The following EFEMP1 variants were observed in gnomAD, a reference collection of about 807,000 sequenced individuals.
EFEMP1 encodes the protein EGF-like fibulin extracellular matrix protein 1.
A neutral mutation model predicts 65.7 loss-of-function variants in EFEMP1; 18 were observed. That is an observed-to-expected ratio of 0.27 (90% CI 0.19 to 0.41). The LOEUF is 0.41. Ranked by LOEUF, EFEMP1 falls within the 10% of genes least tolerant of loss-of-function variation. EFEMP1 has a pLI of 1.00. For synonymous variants in EFEMP1, 237 were observed against 219.7 expected, an observed-to-expected ratio of 1.08 and a Z score of -0.70; for missense variants, 469 against 624.8, an observed-to-expected ratio of 0.75 and a Z score of 2.66.
rs1553349430 is a variant in EFEMP1, at chr2:55,873,089, C to CACACAA, written c.1000+1856_1000+1857insTTGTGT. 6.6e-6 allele frequency among the ~76,000 whole-genome samples: 1 copy of CACACAA among 150,634 alleles called. No individual in the cohort carries two copies. Among genetic ancestry groups the CACACAA allele is most frequent in the African/African-American group, 2.5e-5 (1 of 40,326 alleles). ...CTCCACACACACACACACACACACA[C>CACACAA]ACACACACACACAGTTTTCATTTGT... On this transcript the variant is annotated intron_variant, in intron 9 of 11. Coordinates refer to ENST00000355426, the MANE Select transcript of EFEMP1 (RefSeq NM_001039348.3). The surrounding 1 kb of genome is among the most constrained non-coding windows in gnomAD (Gnocchi z 4.6).
rs138244510 is a variant in EFEMP1, at chr2:55,867,669, A to C, written c.1321-435T>G. The stretch of plus-strand genomic sequence containing the variant: ...GAAATGGAAACAGTTTTTCAACAGA[A>C]TATGGTAAATGCTAAGATATATGAG... On this transcript the variant is annotated intron_variant, in intron 11 of 11. Coordinates refer to ENST00000355426, the MANE Select transcript of EFEMP1 (RefSeq NM_001039348.3). This position sits in a 1 kb window ranked among gnomAD's most constrained non-coding sequence, Gnocchi z 4.3. Among the ~76,000 whole-genome samples, 93 of 152,240 alleles carry C rather than the reference A, an allele frequency of 6.1e-4. No individual in the cohort carries two copies. The highest frequency in any genetic ancestry group is 2.1e-3 in the African/African-American group (86 of 41,552).
At position 55,870,201 on chromosome 2, in the gene EFEMP1, G is replaced by A. The variant is rs1014427737; in HGVS notation, c.1320+519C>T. Among the ~76,000 whole-genome samples the A allele has an allele frequency of 1.3e-5, 2 of 152,002 alleles. No individual in the cohort carries two copies. The highest frequency in any genetic ancestry group is 2.4e-5 in the African/African-American group (1 of 41,382). ...TCACATACTTATAGGTTTTAGTTTC[G>A]GTGTGAACACAAACTGTCTTGTGAA... On this transcript the variant is annotated intron_variant, in intron 11 of 11. Coordinates refer to ENST00000355426, the MANE Select transcript of EFEMP1 (RefSeq NM_001039348.3). The surrounding 1 kb of genome is among the most constrained non-coding windows in gnomAD (Gnocchi z 5.8).
At chr2:55,903,650 C>T (rs894078067) in intron 5 of EFEMP1, among the ~76,000 whole-genome samples, 1 of 152,128 alleles carries the variant, frequency 6.6e-6, no homozygotes, top group Non-Finnish European at 1.5e-5. Flanking sequence ...ACATATTAAA[C>T]AATTGAATCC....
Position 55,922,287 on chromosome 2 carries a change from G to C in EFEMP1, c.81+73C>G. 2 of 1,352,478 alleles carry C rather than the reference G, an allele frequency of 1.5e-6. No individual in the cohort carries two copies. The highest frequency in any genetic ancestry group is 1.1e-6 in the Non-Finnish European group (1 of 943,276). The allele number at this position is 1,352,478 out of a possible 1,614,324, so 83.8% of individuals were successfully genotyped here. A position where few individuals can be genotyped will look rare whatever the true frequency, so the allele number is the denominator to read the frequency against. ...AGAGTATAGCCCAAATACACTGGCA[G>C]GGGTGTGTAAAGTCTTTTTTTGTCA... On this transcript the variant is annotated intron_variant, in intron 3 of 11. Transcript: ENST00000355426. This position sits in a 1 kb window ranked among gnomAD's most constrained non-coding sequence, Gnocchi z 5.5.
intron 5 of EFEMP1, among the ~76,000 whole-genome samples, chr2:55,887,910 G>T (rs1002403340): frequency 6.6e-6 from 1 of 152,076 alleles, no homozygotes; most frequent in Non-Finnish European, 1.5e-5. Context: ...ATGCTACTTC[G>T]AATTGCTTTT....
At chr2:55,874,482 A>G (rs1668946017) in intron 9 of EFEMP1, among the ~76,000 whole-genome samples, 1 of 152,124 alleles carries the variant, frequency 6.6e-6, no homozygotes, top group Admixed American at 6.6e-5. Context: ...AAAATATTCA[A>G]CTATATTTTA....
Position 55,877,064 on chromosome 2 carries a change from G to T in EFEMP1, c.761-322C>A, listed in dbSNP as rs1362839757. On this transcript the variant is annotated intron_variant, in intron 7 of 11. Coordinates refer to ENST00000355426, the MANE Select transcript of EFEMP1 (RefSeq NM_001039348.3). This position sits in a 1 kb window ranked among gnomAD's most constrained non-coding sequence, Gnocchi z 4.5. ...ATGCTTCTAATAAATATACACTCCG[G>T]TATCGATTTTCTTTTGTTGTTCAGA... 6.6e-6 allele frequency among the ~76,000 whole-genome samples: 1 copy of T among 152,028 alleles called. No homozygotes were observed. Among genetic ancestry groups the T allele is most frequent in the Non-Finnish European group, 1.5e-5 (1 of 68,014 alleles).
In EFEMP1 at chr2:55,877,473, G is replaced by C. The variant is rs893538711; in HGVS notation, c.760+273C>G. On this transcript the variant is annotated intron_variant, in intron 7 of 11. Transcript: ENST00000355426. The surrounding 1 kb of genome is among the most constrained non-coding windows in gnomAD (Gnocchi z 4.5). Reference sequence around the variant, plus strand: ...TTTCAGCATTATATCACACACTGCTGATTGACTGGTGTATGTATATCAATT... The same window carrying C: ...TTTCAGCATTATATCACACACTGCTCATTGACTGGTGTATGTATATCAATT... Among the ~76,000 whole-genome samples, 10 of 152,152 alleles carry C rather than the reference G, an allele frequency of 6.6e-5. No individual in the cohort carries two copies. Among genetic ancestry groups the C allele is most frequent in the African/African-American group, 2.4e-4 (10 of 41,432 alleles).
Position 55,871,516 on chromosome 2 carries a change from A to G in EFEMP1, c.1001-393T>C, listed in dbSNP as rs761457709. Among the ~76,000 whole-genome samples, 1 of 152,120 alleles carries G rather than the reference A, an allele frequency of 6.6e-6. No homozygotes were observed. Among genetic ancestry groups the G allele is most frequent in the Non-Finnish European group, 1.5e-5 (1 of 68,022 alleles). ...GGAATTAAGTAAGAGATAGATAAGT[A>G]TACTGGGGCATGTGGAGCAGAGTTG... On this transcript the variant is annotated intron_variant, in intron 9 of 11. Coordinates refer to ENST00000355426, the MANE Select transcript of EFEMP1 (RefSeq NM_001039348.3). This position sits in a 1 kb window ranked among gnomAD's most constrained non-coding sequence, Gnocchi z 4.2.
intron 8 of EFEMP1, among the ~76,000 whole-genome samples, chr2:55,875,611 TA>T (rs1669002612): frequency 1.3e-5 from 2 of 152,088 alleles, no homozygotes; most frequent in South Asian, 4.1e-4. Context: ...CTAACTACAC[TA>T]CTGAATGAAT....
Position 55,911,940 on chromosome 2 carries a change from A to G in EFEMP1, c.517+5725T>C, listed in dbSNP as rs534510616. Among the ~76,000 whole-genome samples, 5 of 152,332 alleles carry G rather than the reference A, an allele frequency of 3.3e-5. No homozygotes were observed. In the South Asian group the frequency reaches 1.0e-3, roughly 32 times the overall value. On this transcript the variant is annotated intron_variant, in intron 5 of 11. Transcript: ENST00000355426. ...GCAGCATATTGAAAAGTAAATTATG[A>G]AACAATGCTAGATTTTTTTTAGGAG...
In EFEMP1 at chr2:55,870,716, T is replaced by G. The variant is rs758074708; in HGVS notation, c.1320+4A>C. On this transcript the variant is annotated splice_donor_region_variant and intron_variant, in intron 11 of 11. Transcript: ENST00000355426. This position sits in a 1 kb window ranked among gnomAD's most constrained non-coding sequence, Gnocchi z 5.8. ...ATAGTTAAGGCTGCCTTCAGGATACTTACTCGTAGGTAGAACTCTCCATTT... is the reference window on the plus strand; with the variant it reads ...ATAGTTAAGGCTGCCTTCAGGATACGTACTCGTAGGTAGAACTCTCCATTT... 1.2e-6 allele frequency: 2 copies of G among 1,613,508 alleles called. No homozygotes were observed. The highest frequency in any genetic ancestry group is 2.2e-5 in the South Asian group (2 of 91,052).
chr2:55,915,386 T>C (rs541808407), intron 5 of EFEMP1, among the ~76,000 whole-genome samples: 1 of 152,374 alleles, frequency 6.6e-6, no homozygotes, highest in East Asian at 1.9e-4. Context: ...ATAAATGTTT[T>C]ACTATGTGAA....
chr2:55,914,379 G>A (rs964155510), intron 5 of EFEMP1, among the ~76,000 whole-genome samples: 2 of 151,964 alleles, frequency 1.3e-5, no homozygotes, highest in Admixed American at 1.3e-4. Flanking sequence ...CCTTGTTTTT[G>A]TACAAAACTG....
At chr2:55,901,530 C>T (rs1670031399) in intron 5 of EFEMP1, among the ~76,000 whole-genome samples, 1 of 152,178 alleles carries the variant, frequency 6.6e-6, no homozygotes, top group African/African-American at 2.4e-5. Context: ...ACTGACCACA[C>T]CCATTAGGCT....
intron 8 of EFEMP1, among the ~76,000 whole-genome samples, chr2:55,875,335 TACACACACACAC>T (rs768780443): frequency 2.4e-5 from 3 of 125,398 alleles, no homozygotes; most frequent in African/African-American, 9.6e-5. Flanking sequence ...GTTTCATATA[TACACACACACAC>T]ACACACACAC....
chr2:55,916,958 G>C (rs534039971), intron 5 of EFEMP1, among the ~76,000 whole-genome samples: 1 of 152,232 alleles, frequency 6.6e-6, no homozygotes, highest in Admixed American at 6.5e-5. Flanking sequence ...ACCCTAGGCA[G>C]ATGATGCCAT....
At position 55,922,601 on chromosome 2, in the gene EFEMP1, C is replaced by T. The variant is rs751953308; in HGVS notation, c.-7-154G>A. 21 of 723,916 alleles carry T rather than the reference C, an allele frequency of 2.9e-5. No homozygotes were observed. Among genetic ancestry groups the T allele is most frequent in the Non-Finnish European group, 5.0e-5 (21 of 423,272 alleles). 44.8% of individuals were successfully genotyped at this position (723,916 alleles called of 1,614,324 possible). ...ATCTGCTTTCTCATCTCCCCTCCCC[C>T]TCCTGAACCTTCTCGGTAGCCAACG... On this transcript the variant is annotated intron_variant, in intron 2 of 11. Transcript: ENST00000355426. This position sits in a 1 kb window ranked among gnomAD's most constrained non-coding sequence, Gnocchi z 5.5.
chr2:55,908,391 A>C (rs1022678499), intron 5 of EFEMP1, among the ~76,000 whole-genome samples: 1 of 152,170 alleles, frequency 6.6e-6, no homozygotes, highest in African/African-American at 2.4e-5. Flanking sequence ...GAAAAAGTCA[A>C]ACTCATAGAA....
Sources: allele counts gnomAD v4.1 joint callset (sites outside exome capture counted in the v4.1 genomes callset), GRCh38; gene constraint gnomAD v4.1.1; non-coding constraint Gnocchi (gnomAD v3.1); transcripts MANE v1.5; gene names NCBI Gene and HGNC (gene_info 2026-07-23, HGNC 2026-07-21).